LIMS1: variants seen among roughly 807,000 people sequenced by gnomAD.
The protein encoded by LIMS1 is LIM and senescent cell antigen-like-containing domain protein 1.
Under a neutral mutation model 44.1 loss-of-function variants are expected in LIMS1, and 18 were observed. The observed-to-expected ratio is 0.41, with a 90% CI of 0.28 to 0.61. LIMS1 has a LOEUF of 0.61. LIMS1 is among the 20% of genes least tolerant of loss of function. LIMS1 has a pLI of 0.32. For missense variants in LIMS1, 201 were observed against 422.0 expected, an observed-to-expected ratio of 0.48 and a Z score of 4.59; for synonymous variants, 93 against 149.1, an observed-to-expected ratio of 0.62 and a Z score of 2.74.
intron 1 of LIMS1, among the ~76,000 whole-genome samples, chr2:108,574,039 TC>T (rs144870257): frequency 2.0e-5 from 3 of 150,136 alleles, no homozygotes; most frequent in African/African-American, 4.9e-5. Flanking sequence ...GAATCCCCCC[TC>T]CCCCCCACCA....
chr2:108,682,729 C>T (rs1476706170), intron 9 of LIMS1, among the ~76,000 whole-genome samples: 2 of 152,010 alleles, frequency 1.3e-5, no homozygotes, highest in Admixed American at 1.3e-4. Flanking sequence ...TAACATTGTC[C>T]TTTAAAATGA....
chr2:108,553,628 A>G (rs945951198), intron 1 of LIMS1, among the ~76,000 whole-genome samples: 1 of 152,170 alleles, frequency 6.6e-6, no homozygotes, highest in African/African-American at 2.4e-5. Flanking sequence ...TTGCTTTGCA[A>G]AACACTCTTA....
chr2:108,642,082 G>A (rs1053457093), intron 1 of LIMS1, among the ~76,000 whole-genome samples: 10 of 152,266 alleles, frequency 6.6e-5, no homozygotes, highest in African/African-American at 2.4e-4. Flanking sequence ...GGAAGCCTTT[G>A]AATGCAGTTG....
At chr2:108,607,081 C>G in intron 1 of LIMS1, 1 of 706,526 alleles carries the variant, frequency 1.4e-6, no homozygotes, top group Non-Finnish European at 2.3e-6. Flanking sequence ...GATTAGGTCA[C>G]GAGAACAGAG....
chr2:108,564,465 A>G lies in LIMS1; in HGVS notation c.32+29871A>G, dbSNP rs114750321. Among the ~76,000 whole-genome samples, 513 of 152,286 alleles carry G rather than the reference A, an allele frequency of 3.4e-3. 2 individuals carry two copies. The highest frequency in any genetic ancestry group is 0.011 in the African/African-American group (469 of 41,562). ...CCGAGGTATGCCTGTATAGAGATAG[A>G]TAAAGAGATAGACTTATTTTGAGGA... On this transcript the variant is annotated intron_variant, in intron 1 of 9. Transcript: ENST00000544547.
At chr2:108,583,598 G>T (rs1685973904) in intron 1 of LIMS1, among the ~76,000 whole-genome samples, 1 of 151,914 alleles carries the variant, frequency 6.6e-6, no homozygotes, top group Admixed American at 6.6e-5. Context: ...GAAAAGATAC[G>T]CAAGTGTATT....
intron 1 of LIMS1, among the ~76,000 whole-genome samples, chr2:108,628,913 C>T (rs1688738323): frequency 6.6e-6 from 1 of 152,190 alleles, no homozygotes; most frequent in Non-Finnish European, 1.5e-5. Flanking sequence ...CTCAGCCTTC[C>T]GAGTAGCTGA....
chr2:108,636,837 G>C (rs1243050185), intron 1 of LIMS1, among the ~76,000 whole-genome samples: 3 of 152,110 alleles, frequency 2.0e-5, no homozygotes, highest in Non-Finnish European at 2.9e-5. Flanking sequence ...TTGAGCACAG[G>C]AGCCTGCAGA....
intron 1 of LIMS1, among the ~76,000 whole-genome samples, chr2:108,569,721 A>T (rs1027853268): frequency 6.7e-6 from 1 of 148,892 alleles, no homozygotes; most frequent in Non-Finnish European, 1.5e-5. Flanking sequence ...TTAGCCTGCC[A>T]AGTAGCTATT....
chr2:108,649,505 A>G (rs571111662), intron 1 of LIMS1, among the ~76,000 whole-genome samples: 26 of 152,274 alleles, frequency 1.7e-4, no homozygotes, highest in East Asian at 3.9e-4. Context: ...AAATCATTCT[A>G]TAAAGACACA....
intron 1 of LIMS1, among the ~76,000 whole-genome samples, chr2:108,609,487 G>A (rs531538373): frequency 6.6e-6 from 1 of 152,280 alleles, no homozygotes; most frequent in African/African-American, 2.4e-5. Flanking sequence ...TGCTCCTACT[G>A]TTTCCAGAGT....
In LIMS1 at chr2:108,552,125, AC is replaced by A. The variant is rs554546536; in HGVS notation, c.32+17532del. The stretch of plus-strand genomic sequence containing the variant: ...AGAGAGTTAACTATATATTATATAT[AC>A]TATATATACTTAACTATATAATTAT... On this transcript the variant is annotated intron_variant, in intron 1 of 9. Coordinates refer to ENST00000544547, the Ensembl canonical transcript of LIMS1. Among the ~76,000 whole-genome samples, 414 of 145,986 alleles carry A rather than the reference AC, an allele frequency of 2.8e-3. 2 individuals are homozygous for A. The highest frequency in any genetic ancestry group is 0.01 in the African/African-American group (405 of 40,108).
intron 1 of LIMS1, among the ~76,000 whole-genome samples, chr2:108,602,844 A>G (rs1300225629): frequency 1.3e-5 from 2 of 152,150 alleles, no homozygotes; most frequent in Admixed American, 6.6e-5. Flanking sequence ...TGGTTCACTG[A>G]AACCTCAACC....
chr2:108,598,062 C>G (rs1167636007), intron 1 of LIMS1, among the ~76,000 whole-genome samples: 2 of 151,682 alleles, frequency 1.3e-5, no homozygotes, highest in South Asian at 2.1e-4. Context: ...TCTAATATAT[C>G]CTTGTTTCTC....
intron 1 of LIMS1, among the ~76,000 whole-genome samples, chr2:108,593,718 G>A (rs1366543532): frequency 2.0e-5 from 3 of 152,182 alleles, no homozygotes; most frequent in Non-Finnish European, 4.4e-5. Flanking sequence ...CAACAGCTGG[G>A]AAGAAATCAT....
At chr2:108,555,852 C>T (rs1334455787) in intron 1 of LIMS1, among the ~76,000 whole-genome samples, 1 of 152,194 alleles carries the variant, frequency 6.6e-6, no homozygotes, top group Admixed American at 6.5e-5. Flanking sequence ...TGCTTTGCTC[C>T]TCATTTGGTG....
intron 1 of LIMS1, among the ~76,000 whole-genome samples, chr2:108,579,438 A>T (rs924732973): frequency 3.3e-5 from 5 of 152,218 alleles, no homozygotes; most frequent in African/African-American, 7.2e-5. Flanking sequence ...ATGTGTTTTT[A>T]AAAATTTTAT....
intron 1 of LIMS1, among the ~76,000 whole-genome samples, chr2:108,551,491 GCACACACACACA>G (rs67589132): frequency 1.4e-4 from 16 of 114,862 alleles, no homozygotes; most frequent in East Asian, 9.4e-4. Context: ...GCGCGCGCGC[GCACACACACACA>G]CACACACACA....
intron 1 of LIMS1, among the ~76,000 whole-genome samples, chr2:108,599,326 A>G (rs1328746809): frequency 6.6e-6 from 1 of 152,212 alleles, no homozygotes; most frequent in Non-Finnish European, 1.5e-5. Context: ...TTCACTTGAC[A>G]TAATGATCTC....
Sources: allele counts gnomAD v4.1 joint callset (sites outside exome capture counted in the v4.1 genomes callset), GRCh38; gene constraint gnomAD v4.1.1; transcripts MANE v1.5; gene names NCBI Gene and HGNC (gene_info 2026-07-23, HGNC 2026-07-21).